The following DENND5B variants were observed in gnomAD, a reference collection of about 807,000 sequenced individuals.
DENND5B encodes DENN domain containing 5B.
A neutral mutation model predicts 140.6 loss-of-function variants in DENND5B; 34 were observed. That is an observed-to-expected ratio of 0.24 (90% CI 0.18 to 0.32). The LOEUF (loss-of-function observed/expected upper bound fraction) is 0.32, where lower values mean the gene tolerates loss of function less well. DENND5B is among the 10% of genes least tolerant of loss of function. The probability of loss-of-function intolerance (pLI) is 1.00; values close to 1 mark genes in which losing one functional copy is unlikely to be tolerated. For missense variants in DENND5B, 1,142 were observed against 1,560.2 expected (o/e 0.73, Z 4.52); for synonymous variants, 551 against 562.1 (o/e 0.98, Z 0.28).
At chr12:31,450,440 G>A (rs1352231615) in intron 5 of DENND5B, among the ~76,000 whole-genome samples, 2 of 152,098 alleles carry the variant, frequency 1.3e-5, no homozygotes, top group Non-Finnish European at 2.9e-5. Context: ...GCTCACTGCA[G>A]CCTCAACTTC....
intron 11 of DENND5B, among the ~76,000 whole-genome samples, chr12:31,417,230 G>A (rs1335926737): frequency 1.0e-4 from 15 of 150,544 alleles, no homozygotes; most frequent in African/African-American, 3.7e-4. Context: ...GGTGGTGGGC[G>A]CCTGTAGTCC....
chr12:31,504,798 A>T (rs540390505), intron 1 of DENND5B, among the ~76,000 whole-genome samples: 5 of 151,968 alleles, frequency 3.3e-5, no homozygotes, highest in Non-Finnish European at 7.4e-5. Context: ...GGTGGGGGTC[A>T]AACGATTAGT....
At chr12:31,481,522 G>T (rs1025612741) in intron 2 of DENND5B, among the ~76,000 whole-genome samples, 1 of 152,188 alleles carries the variant, frequency 6.6e-6, no homozygotes, top group Non-Finnish European at 1.5e-5. Context: ...AGAAAAGAAG[G>T]AGCTACCAGG....
intron 13 of DENND5B, 63 bp downstream of exon 13, chr12:31,413,373 T>G (rs1434566067): frequency 3.8e-6 from 6 of 1,564,670 alleles, no homozygotes; most frequent in Non-Finnish European, 5.2e-6. Flanking sequence ...TGTCAGTTTA[T>G]GCAACTTGTT....
intron 1 of DENND5B, among the ~76,000 whole-genome samples, chr12:31,575,542 C>T (rs1949980462): frequency 6.6e-6 from 1 of 152,168 alleles, no homozygotes; most frequent in Admixed American, 6.6e-5. Context: ...AAAGAATATC[C>T]TTAGACTAGC....
intron 1 of DENND5B, among the ~76,000 whole-genome samples, chr12:31,546,689 A>C (rs4931518): frequency 0.13 from 20,473 of 152,188 alleles, 1,625 homozygotes; most frequent in Non-Finnish European, 0.18. Flanking sequence ...CCATCTCAAA[A>C]AATTTTTATT....
chr12:31,579,591 G>T (rs1950141979), intron 1 of DENND5B, among the ~76,000 whole-genome samples: 1 of 152,092 alleles, frequency 6.6e-6, no homozygotes, highest in Admixed American at 6.6e-5. Flanking sequence ...AACCCAGGAG[G>T]CAGATACTGC....
At chr12:31,440,308 C>G (rs2137949893) in intron 7 of DENND5B, among the ~76,000 whole-genome samples, 1 of 152,238 alleles carries the variant, frequency 6.6e-6, no homozygotes, top group Admixed American at 6.5e-5. Context: ...CCTCAGCCTC[C>G]CAGTAGGTAG....
At chr12:31,454,525 A>C (rs2682677) in intron 4 of DENND5B, among the ~76,000 whole-genome samples, 124,401 of 151,896 alleles carry the variant, frequency 0.82, 51,183 homozygotes, top group African/African-American at 0.89. Context: ...CTCACTGCAA[A>C]CTCTGCCTCC....
intron 1 of DENND5B, among the ~76,000 whole-genome samples, chr12:31,538,240 C>G (rs1427252261): frequency 3.3e-5 from 5 of 152,120 alleles, no homozygotes; most frequent in Admixed American, 3.3e-4. Flanking sequence ...ATGGATCATT[C>G]TCAAGGATGG....
At position 31,385,852 on chromosome 12, in the gene DENND5B, A is replaced by T. The variant is rs1418706532; in HGVS notation, c.*1751T>A. 6.6e-6 allele frequency: 1 copy of T among 152,206 alleles called. No individual in the cohort carries two copies. The highest frequency in any genetic ancestry group is 1.5e-5 in the Non-Finnish European group (1 of 68,186). 9.4% of individuals were successfully genotyped at this position (152,206 alleles called of 1,614,324 possible). A position where few individuals can be genotyped will look rare whatever the true frequency, so the allele number is the denominator to read the frequency against. On this transcript the variant is annotated 3_prime_UTR_variant, in exon 21 of 21. Coordinates refer to ENST00000389082, the MANE Select transcript of DENND5B (RefSeq NM_144973.4). The stretch of plus-strand genomic sequence containing the variant: ...CCACCACGCCCGGCTAATTTTTTGT[A>T]TTTTTAGTAGAGACGGGGTTTCACG...
intron 12 of DENND5B, among the ~76,000 whole-genome samples, chr12:31,414,312 TA>T (rs1270055922): frequency 6.6e-6 from 1 of 152,220 alleles, no homozygotes; most frequent in African/African-American, 2.4e-5. Context: ...CCTCATTCAA[TA>T]AATCTGTGTT....
At chr12:31,478,805 A>G (rs1275964858) in intron 3 of DENND5B, among the ~76,000 whole-genome samples, 1 of 152,194 alleles carries the variant, frequency 6.6e-6, no homozygotes, top group Non-Finnish European at 1.5e-5. Context: ...ATTAAGACAT[A>G]GCATCTCTAT....
At chr12:31,536,949 A>G (rs1244669998) in intron 1 of DENND5B, among the ~76,000 whole-genome samples, 1 of 152,082 alleles carries the variant, frequency 6.6e-6, no homozygotes, top group Non-Finnish European at 1.5e-5. Flanking sequence ...TGAAGGAAAA[A>G]AACTTTTACC....
intron 11 of DENND5B, among the ~76,000 whole-genome samples, chr12:31,419,568 C>T (rs1464948037): frequency 6.6e-6 from 1 of 152,082 alleles, no homozygotes; most frequent in Admixed American, 6.6e-5. Context: ...TATGTTTCTA[C>T]AGTACCATGT....
At chr12:31,538,134 TACCAAATGGACCTAATCAG>T (rs1948566356) in intron 1 of DENND5B, among the ~76,000 whole-genome samples, 3 of 152,306 alleles carry the variant, frequency 2.0e-5, no homozygotes, top group South Asian at 2.1e-4. Flanking sequence ...ACTTAATCTG[TACCAAATGGACCTAATCAG>T]ACCAAATGGA....
intron 1 of DENND5B, among the ~76,000 whole-genome samples, chr12:31,504,147 T>C (rs1340382018): frequency 6.6e-6 from 1 of 152,240 alleles, no homozygotes; most frequent in East Asian, 1.9e-4. Context: ...TCACCATTTA[T>C]ATAAAGTTTG....
At position 31,383,288 on chromosome 12, in the gene DENND5B, T is replaced by A. The variant is rs946401876; in HGVS notation, c.*4315A>T. 6.6e-6 allele frequency: 1 copy of A among 152,206 alleles called. No homozygotes were observed. The highest frequency in any genetic ancestry group is 1.5e-5 in the Non-Finnish European group (1 of 68,028). The allele number at this position is 152,206 out of a possible 1,614,324, so 9.4% of individuals were successfully genotyped here. ...TAAATATTTCCCTGGAAATTTGAGG[T>A]CCTTGTCTGTCACCTCATGTTTCAA... is the stretch of plus-strand genomic sequence containing the variant. On this transcript the variant is annotated 3_prime_UTR_variant, in exon 21 of 21. Coordinates refer to ENST00000389082, the MANE Select transcript of DENND5B (RefSeq NM_144973.4).
At chr12:31,413,778 A>G (rs959609227) in intron 12 of DENND5B, among the ~76,000 whole-genome samples, 1 of 152,264 alleles carries the variant, frequency 6.6e-6, no homozygotes, top group Non-Finnish European at 1.5e-5. Context: ...AAGCACACGG[A>G]CAATGTGGTA....
Sources: allele counts gnomAD v4.1 joint callset (sites outside exome capture counted in the v4.1 genomes callset), GRCh38; gene constraint gnomAD v4.1.1; transcripts MANE v1.5; gene names NCBI Gene and HGNC (gene_info 2026-07-23, HGNC 2026-07-21).